The following ELOVL7 variants were observed in gnomAD, a reference collection of about 807,000 sequenced individuals.
The protein encoded by ELOVL7 is very long chain fatty acid elongase 7.
A neutral mutation model predicts 35.7 loss-of-function variants in ELOVL7; 27 were observed. The ratio of observed to expected loss-of-function variants is 0.76; its 90% CI spans 0.56 to 1.04. ELOVL7 has a LOEUF of 1.04. Ranked by LOEUF, ELOVL7 falls within the 50% of genes least tolerant of loss-of-function variation. The pLI is 0.00. For synonymous variants in ELOVL7, 113 were observed against 114.6 expected (o/e 0.99, Z 0.09); for missense variants, 327 against 340.8 (o/e 0.96, Z 0.32).
chr5:60,788,107 A>G (rs1743709780), intron 2 of ELOVL7, among the ~76,000 whole-genome samples: 1 of 152,242 alleles, frequency 6.6e-6, no homozygotes, highest in African/African-American at 2.4e-5. Context: ...TGGCACATGG[A>G]GAAACGAACG....
chr5:60,802,065 T>C (rs1744653954), intron 1 of ELOVL7, among the ~76,000 whole-genome samples: 1 of 2,132 alleles, frequency 4.7e-4, no homozygotes, highest in Non-Finnish European at 1.0e-3. Flanking sequence ...AACTCTCATA[T>C]ATATATATAT....
chr5:60,792,399 G>A (rs1743992988), intron 2 of ELOVL7, among the ~76,000 whole-genome samples: 1 of 152,216 alleles, frequency 6.6e-6, no homozygotes, highest in Admixed American at 6.5e-5. Context: ...TGAGCTGAGA[G>A]TGATGGACTG....
intron 3 of ELOVL7, among the ~76,000 whole-genome samples, chr5:60,772,896 C>T (rs761092956): frequency 6.6e-6 from 1 of 152,000 alleles, no homozygotes; most frequent in Non-Finnish European, 1.5e-5. Flanking sequence ...TTTTCCTTCC[C>T]CAGGAAAACT....
intron 1 of ELOVL7, among the ~76,000 whole-genome samples, chr5:60,823,437 G>A (rs1004529891): frequency 1.3e-5 from 2 of 152,186 alleles, no homozygotes; most frequent in African/African-American, 2.4e-5. Flanking sequence ...GCACCAGGAA[G>A]GCACGGACTA....
At chr5:60,785,609 C>T (rs1743527140) in intron 3 of ELOVL7, among the ~76,000 whole-genome samples, 1 of 152,090 alleles carries the variant, frequency 6.6e-6, no homozygotes. Context: ...CAAGGCACAC[C>T]TCTCCTTGAA....
intron 3 of ELOVL7, among the ~76,000 whole-genome samples, chr5:60,779,557 G>T (rs1743111753): frequency 6.6e-6 from 1 of 152,280 alleles, no homozygotes; most frequent in East Asian, 1.9e-4. Flanking sequence ...AGCCATTCCA[G>T]GAGCAGCTGG....
intron 4 of ELOVL7, among the ~76,000 whole-genome samples, chr5:60,770,715 T>C (rs956616139): frequency 9.9e-5 from 15 of 150,812 alleles, no homozygotes; most frequent in African/African-American, 3.5e-4. Context: ...GAGTATTTTT[T>C]TTATTTTTAT....
chr5:60,755,213 A>G (rs1741466579), intron 8 of ELOVL7, among the ~76,000 whole-genome samples: 1 of 152,198 alleles, frequency 6.6e-6, no homozygotes, highest in African/African-American at 2.4e-5. Flanking sequence ...TTTCAGTATG[A>G]TTTCAATTTC....
chr5:60,827,327 A>G (rs1746227395), intron 1 of ELOVL7, among the ~76,000 whole-genome samples: 1 of 152,212 alleles, frequency 6.6e-6, no homozygotes. Context: ...GTTTAATTCA[A>G]TATTTCCTCA....
intron 1 of ELOVL7, among the ~76,000 whole-genome samples, chr5:60,814,039 G>C (rs1745384985): frequency 6.6e-6 from 1 of 152,150 alleles, no homozygotes; most frequent in Admixed American, 6.5e-5. Context: ...AGATTCAAAA[G>C]CAAGGTGGCA....
chr5:60,824,384 G>C (rs529335085), intron 1 of ELOVL7, among the ~76,000 whole-genome samples: 1 of 152,184 alleles, frequency 6.6e-6, no homozygotes, highest in Non-Finnish European at 1.5e-5. Flanking sequence ...ATGGAGAAAC[G>C]TCAAAGTCTC....
rs529126778 is a variant in ELOVL7 at position 60,807,776 on chromosome 5, G to A, written c.-85-8546C>T. On this transcript the variant is annotated intron_variant, in intron 1 of 8. Coordinates refer to ENST00000508821, the MANE Select transcript of ELOVL7 (RefSeq NM_024930.3). ...GCACTTTGGGAGGCCGAGGCAGGTG[G>A]ATCACAAGGTCAGGAGATCGAGACC... Among the ~76,000 whole-genome samples, 13 of 151,880 alleles carry A rather than the reference G, an allele frequency of 8.6e-5. No homozygotes were observed. In the East Asian group the frequency reaches 1.6e-3, roughly 18 times the overall value.
At chr5:60,776,894 T>C (rs1742936543) in intron 3 of ELOVL7, among the ~76,000 whole-genome samples, 1 of 152,162 alleles carries the variant, frequency 6.6e-6, no homozygotes, top group Non-Finnish European at 1.5e-5. Context: ...CAGGTAGTGA[T>C]AGTGACAGAT....
chr5:60,824,917 C>T (rs540074784), intron 1 of ELOVL7, among the ~76,000 whole-genome samples: 1 of 152,164 alleles, frequency 6.6e-6, no homozygotes, highest in East Asian at 1.9e-4. Context: ...TGATCTGGGC[C>T]CTGACTACCT....
chr5:60,784,176 C>T, intron 3 of ELOVL7: 2 of 1,484,702 alleles, frequency 1.3e-6, no homozygotes, highest in East Asian at 2.5e-5. Context: ...TCAAAGAGTA[C>T]ATCTTTAAGA....
At chr5:60,841,500 T>A (rs1390993838) in intron 1 of ELOVL7, among the ~76,000 whole-genome samples, 2 of 152,164 alleles carry the variant, frequency 1.3e-5, no homozygotes, top group Non-Finnish European at 2.9e-5. Flanking sequence ...CCAGTCTTAT[T>A]TTCTCTCTCC....
chr5:60,778,925 C>T (rs1743071053), intron 3 of ELOVL7, among the ~76,000 whole-genome samples: 1 of 152,212 alleles, frequency 6.6e-6, no homozygotes, highest in South Asian at 2.1e-4. Flanking sequence ...ACAGGCACTG[C>T]ATAAATATAC....
intron 7 of ELOVL7, among the ~76,000 whole-genome samples, chr5:60,763,424 G>A (rs1379705672): frequency 6.6e-6 from 1 of 152,146 alleles, no homozygotes; most frequent in Non-Finnish European, 1.5e-5. Flanking sequence ...GAGTTAGAAA[G>A]GCCAATAGAG....
intron 7 of ELOVL7, among the ~76,000 whole-genome samples, chr5:60,759,105 T>C (rs1476059207): frequency 4.6e-5 from 7 of 152,210 alleles, no homozygotes; most frequent in African/African-American, 1.7e-4. Flanking sequence ...ATACTAGCAC[T>C]GCTGAAGTAC....
Sources: allele counts gnomAD v4.1 joint callset (sites outside exome capture counted in the v4.1 genomes callset), GRCh38; gene constraint gnomAD v4.1.1; transcripts MANE v1.5; gene names NCBI Gene and HGNC (gene_info 2026-07-23, HGNC 2026-07-21).